The following SLC39A10 variants were observed in gnomAD, a reference collection of about 807,000 sequenced individuals.
SLC39A10 encodes the protein solute carrier family 39 member 10, also known as zinc transporter ZIP10.
Under a neutral mutation model 65.1 loss-of-function variants are expected in SLC39A10, and 13 were observed. The observed-to-expected ratio is 0.20, with a 90% confidence interval of 0.13 to 0.32. The LOEUF (loss-of-function observed/expected upper bound fraction) is 0.32. SLC39A10 is among the 10% of genes least tolerant of loss of function. The pLI is 1.00. For missense variants in SLC39A10, 831 were observed against 1,018.4 expected (o/e 0.82, Z 2.50); for synonymous variants, 321 against 342.2 (o/e 0.94, Z 0.68).
rs111447737 is a variant in SLC39A10 at position 195,665,034 on chromosome 2, C to A, written c.-12+7753C>A. ...CACCATCTCGACAAAAAATTTAGCC[C>A]AGTGTGAGGTCGGGCACGGTGGCTC... On this transcript the variant is annotated intron_variant, in intron 1 of 9. Coordinates refer to ENST00000359634, the MANE Select transcript of SLC39A10 (RefSeq NM_020342.3). Among the ~76,000 whole-genome samples the A allele has an allele frequency of 3.4e-3, 511 of 152,124 alleles. 4 individuals are homozygous for A. The highest frequency in any genetic ancestry group is 5.8e-3 in the South Asian group (28 of 4,822).
Position 195,628,464 on chromosome 2 carries a change from C to A in SLC39A10, c.-12+22231C>A, listed in dbSNP as rs751825411. Among the ~76,000 whole-genome samples the A allele has an allele frequency of 7.0e-4, 106 of 152,206 alleles. 1 individual carries two copies. Among genetic ancestry groups the A allele is most frequent in the Non-Finnish European group, 1.5e-3 (99 of 68,036 alleles). ...ACCAACAGCCACATCCACTTTAATT[C>A]ATTACTGAATGCATATTTAGTATAT... is the stretch of plus-strand genomic sequence containing the variant. On this transcript the variant is annotated intron_variant, in intron 2 of 2. Coordinates refer to the SLC39A10 transcript ENST00000458054.
intron 9 of SLC39A10, among the ~76,000 whole-genome samples, chr2:195,730,370 C>A (rs1227185915): frequency 6.6e-6 from 1 of 152,090 alleles, no homozygotes; most frequent in Non-Finnish European, 1.5e-5. Context: ...TGCTCTGTTG[C>A]CCAGGCTGGA....
At chr2:195,688,982 C>A (rs1221005738) in intron 3 of SLC39A10, among the ~76,000 whole-genome samples, 2 of 152,090 alleles carry the variant, frequency 1.3e-5, no homozygotes, top group Admixed American at 1.3e-4. Context: ...TTTAATTGTA[C>A]TTTATATTTT....
chr2:195,617,296 C>T (rs1688236232), intron 2 of SLC39A10, among the ~76,000 whole-genome samples: 1 of 152,158 alleles, frequency 6.6e-6, no homozygotes, highest in Non-Finnish European at 1.5e-5. Context: ...GGCGTAGTGG[C>T]TCATGCCTGT....
intron 2 of SLC39A10, among the ~76,000 whole-genome samples, chr2:195,622,972 CAAAAAAAAAAA>C (rs11440347): frequency 1.0e-5 from 1 of 96,870 alleles, no homozygotes; most frequent in Non-Finnish European, 2.0e-5. Context: ...ACTCCTGTCT[CAAAAAAAAAAA>C]AAAAAAAAAA....
chr2:195,625,255 C>A lies in SLC39A10; in HGVS notation c.-12+19022C>A, dbSNP rs887925266. 1.5e-4 allele frequency among the ~76,000 whole-genome samples: 18 copies of A among 120,324 alleles called. 1 individual carries two copies. Among genetic ancestry groups the A allele is most frequent in the Non-Finnish European group, 2.8e-4 (16 of 57,816 alleles). The allele number at this position is 120,324 out of a possible 152,430, so 78.9% of individuals were successfully genotyped here. A position where few individuals can be genotyped will look rare whatever the true frequency, so the allele number is the denominator to read the frequency against. ...GAAAGAAAGAAAGAAAGATTTAAAA[C>A]TGTTGACAACTTTTTTTCTTTTTTT... is the stretch of plus-strand genomic sequence containing the variant. On this transcript the variant is annotated intron_variant, in intron 2 of 2. Coordinates refer to the SLC39A10 transcript ENST00000458054.
chr2:195,650,514 T>C (rs1490914520), intron 2 of SLC39A10, among the ~76,000 whole-genome samples: 1 of 152,072 alleles, frequency 6.6e-6, no homozygotes, highest in Non-Finnish European at 1.5e-5. Context: ...TCTGTTATTG[T>C]CTGTCTTCCA....
At chr2:195,632,654 T>C (rs994089914) in intron 2 of SLC39A10, among the ~76,000 whole-genome samples, 1 of 152,188 alleles carries the variant, frequency 6.6e-6, no homozygotes, top group Non-Finnish European at 1.5e-5. Context: ...TGATGTGAAT[T>C]ACGATTCATG....
rs911926540 is a variant in SLC39A10, at chr2:195,625,499, A to G, written c.-12+19266A>G. ...TCCATATTGGTCAGGCTGATCTCGA[A>G]CTCCGGACCTCAGGTGATCCGCCCG... On this transcript the variant is annotated intron_variant, in intron 2 of 2. Transcript: ENST00000458054. 2.0e-5 allele frequency among the ~76,000 whole-genome samples: 3 copies of G among 151,646 alleles called. No individual in the cohort carries two copies. The East Asian group carries it at 5.9e-4, about 30-fold the overall frequency.
chr2:195,735,126 AG>A lies in SLC39A10; in HGVS notation c.*87del. The A allele has an allele frequency of 2.9e-6, 4 of 1,393,712 alleles. No homozygotes were observed. Among genetic ancestry groups the A allele is most frequent in the Non-Finnish European group, 3.8e-6 (4 of 1,043,774 alleles). 86.3% of individuals were successfully genotyped at this position (1,393,712 alleles called of 1,614,324 possible). A position where few individuals can be genotyped will look rare whatever the true frequency, so the allele number is the denominator to read the frequency against. ...CTTGTACTGTATGCACATTGCTCAA[AG>A]GAAAGTCAGTGGCTTGCACTACTTA... On this transcript the variant is annotated 3_prime_UTR_variant, in exon 10 of 10. Coordinates refer to ENST00000359634, the MANE Select transcript of SLC39A10 (RefSeq NM_020342.3).
intron 3 of SLC39A10, among the ~76,000 whole-genome samples, chr2:195,686,583 G>A (rs979428041): frequency 6.6e-6 from 1 of 152,080 alleles, no homozygotes; most frequent in Non-Finnish European, 1.5e-5. Context: ...TGTTTATTGG[G>A]ACTTTACCAT....
At chr2:195,713,639 C>T in intron 6 of SLC39A10, 86 bp downstream of exon 6, 2 of 1,369,846 alleles carry the variant, frequency 1.5e-6, no homozygotes, top group Non-Finnish European at 9.7e-7. Flanking sequence ...TACATTCATT[C>T]AATCTGAAAT....
chr2:195,619,874 C>CTTTA (rs138250693), intron 2 of SLC39A10, among the ~76,000 whole-genome samples: 209 of 152,122 alleles, frequency 1.4e-3, no homozygotes, highest in African/African-American at 4.5e-3. Flanking sequence ...GCCTCCAGGA[C>CTTTA]TTTATTTATT....
chr2:195,634,136 A>G (rs1205621260), intron 2 of SLC39A10, among the ~76,000 whole-genome samples: 3 of 152,250 alleles, frequency 2.0e-5, no homozygotes, highest in Non-Finnish European at 4.4e-5. Context: ...AATATGTTTT[A>G]CTTATCTTAC....
At chr2:195,694,790 C>A (rs542960733) in intron 3 of SLC39A10, among the ~76,000 whole-genome samples, 13 of 152,218 alleles carry the variant, frequency 8.5e-5, no homozygotes, top group Middle Eastern at 6.8e-3. Context: ...GAGGATCAGG[C>A]GATGGGTGGG....
At chr2:195,618,077 C>T (rs370655528) in intron 2 of SLC39A10, among the ~76,000 whole-genome samples, 31 of 234 alleles carry the variant, frequency 0.13, no homozygotes, top group African/African-American at 0.26. Context: ...GGCTGGGTGC[C>T]GGTGCCTCAC....
chr2:195,713,201 A>G (rs998871455), intron 5 of SLC39A10, among the ~76,000 whole-genome samples: 2 of 152,180 alleles, frequency 1.3e-5, no homozygotes, highest in African/African-American at 4.8e-5. Flanking sequence ...CTTAACTTCA[A>G]AGTAGATGAA....
intron 2 of SLC39A10, among the ~76,000 whole-genome samples, chr2:195,621,924 TA>T (rs1204546652): frequency 6.6e-6 from 1 of 152,118 alleles, no homozygotes; most frequent in African/African-American, 2.4e-5. Context: ...TTTTGCAGAT[TA>T]AAAAAACAAA....
intron 3 of SLC39A10, among the ~76,000 whole-genome samples, chr2:195,702,890 C>G (rs904972373): frequency 1.3e-5 from 2 of 152,100 alleles, no homozygotes; most frequent in East Asian, 3.8e-4. Flanking sequence ...ATTGTTGGTC[C>G]TTTTCAATTA....
Sources: allele counts gnomAD v4.1 joint callset (sites outside exome capture counted in the v4.1 genomes callset), GRCh38; gene constraint gnomAD v4.1.1; transcripts MANE v1.5; gene names NCBI Gene and HGNC (gene_info 2026-07-23, HGNC 2026-07-21).